SEMA5A: variants seen among roughly 807,000 people sequenced by gnomAD.
SEMA5A encodes semaphorin 5A, also known as semaphorin-5A.
In SEMA5A, 55 loss-of-function variants were observed where a neutral mutation model predicts 135.5. The ratio of observed to expected loss-of-function variants is 0.41; its 90% CI spans 0.33 to 0.51. SEMA5A has a LOEUF of 0.51. Among genes scored for constraint, SEMA5A ranks in the 20% least tolerant of loss-of-function variants. SEMA5A has a pLI of 0.37. For synonymous variants in SEMA5A, 580 were observed against 546.5 expected (o/e 1.06, Z -0.85); for missense variants, 1,290 against 1,419.9 (o/e 0.91, Z 1.47).
chr5:9,375,794 A>T (rs1446178577), intron 3 of SEMA5A, among the ~76,000 whole-genome samples: 1 of 151,608 alleles, frequency 6.6e-6, no homozygotes, highest in African/African-American at 2.4e-5. Context: ...GCAGTATCTG[A>T]CGCTCTGCTG....
At chr5:9,335,782 A>C (rs1450777708) in intron 4 of SEMA5A, among the ~76,000 whole-genome samples, 1 of 152,110 alleles carries the variant, frequency 6.6e-6, no homozygotes, top group Non-Finnish European at 1.5e-5. Context: ...CTAAGTGTTC[A>C]CCTGGATGCA....
At chr5:9,408,237 A>G in intron 2 of SEMA5A, among the ~76,000 whole-genome samples, 1 of 151,996 alleles carries the variant, frequency 6.6e-6, no homozygotes, top group South Asian at 2.1e-4. Context: ...TAGAAGTCTC[A>G]CTCTCCACAG....
chr5:9,280,991 T>A (rs866166492), intron 5 of SEMA5A, among the ~76,000 whole-genome samples: 3 of 152,184 alleles, frequency 2.0e-5, no homozygotes, highest in Non-Finnish European at 4.4e-5. Flanking sequence ...AAAACCACTT[T>A]AAAAGTCTCA....
At position 9,174,184 on chromosome 5, in the gene SEMA5A, C is replaced by T. The variant is rs115568712; in HGVS notation, c.1273+16083G>A. On this transcript the variant is annotated intron_variant, in intron 11 of 22. Transcript: ENST00000382496. ...ACTTGGCCATTGTCAATAATTGCAC[C>T]GCTGTAAATTACAGCTTACTGCAGA... is the stretch of plus-strand genomic sequence containing the variant. Among the ~76,000 whole-genome samples, 405 of 152,274 alleles carry T rather than the reference C, an allele frequency of 2.7e-3. 2 individuals carry two copies. Among genetic ancestry groups the T allele is most frequent in the African/African-American group, 9.2e-3 (382 of 41,556 alleles).
rs1735879913 is a variant in SEMA5A, at chr5:9,040,105, C to T, written c.*2792G>A. 1 of 151,964 alleles carries T rather than the reference C, an allele frequency of 6.6e-6. No individual in the cohort carries two copies. The highest frequency in any genetic ancestry group is 1.5e-5 in the Non-Finnish European group (1 of 68,010). The allele number at this position is 151,964 out of a possible 1,614,324, so 9.4% of individuals were successfully genotyped here. A position where few individuals can be genotyped will look rare whatever the true frequency, so the allele number is the denominator to read the frequency against. ...TTACATCAGGTGCAGAAAGGTGTAG[C>T]TTAAAACTATGTGTTGGTTTTTGTT... On this transcript the variant is annotated 3_prime_UTR_variant, in exon 23 of 23. Transcript: ENST00000382496.
chr5:9,240,899 C>T (rs1418250457), intron 5 of SEMA5A, among the ~76,000 whole-genome samples: 1 of 152,134 alleles, frequency 6.6e-6, no homozygotes, highest in African/African-American at 2.4e-5. Flanking sequence ...AGTGCTAAAG[C>T]ATTCTACATT....
intron 1 of SEMA5A, among the ~76,000 whole-genome samples, chr5:9,520,468 T>G (rs1368635939): frequency 1.3e-5 from 2 of 151,966 alleles, no homozygotes; most frequent in Non-Finnish European, 2.9e-5. Flanking sequence ...TCAGAGGGGC[T>G]TAGAAGGTGA....
chr5:9,071,424 C>A (rs1413046198), intron 16 of SEMA5A, among the ~76,000 whole-genome samples: 1 of 152,114 alleles, frequency 6.6e-6, no homozygotes, highest in Non-Finnish European at 1.5e-5. Context: ...TAATAGACTG[C>A]AAATTTGTCA....
At chr5:9,203,579 A>G (rs1431282233) in intron 8 of SEMA5A, among the ~76,000 whole-genome samples, 1 of 152,200 alleles carries the variant, frequency 6.6e-6, no homozygotes, top group Non-Finnish European at 1.5e-5. Context: ...CAGGAAGACT[A>G]TTGCCAATTT....
At chr5:9,440,804 A>C (rs1464724050) in intron 1 of SEMA5A, among the ~76,000 whole-genome samples, 1 of 152,254 alleles carries the variant, frequency 6.6e-6, no homozygotes, top group Non-Finnish European at 1.5e-5. Context: ...TTTGGAGACC[A>C]AAGTTGAGCT....
intron 5 of SEMA5A, among the ~76,000 whole-genome samples, chr5:9,266,458 A>G (rs1259131075): frequency 6.6e-6 from 1 of 152,216 alleles, no homozygotes; most frequent in Admixed American, 6.5e-5. Context: ...ACACATTTTA[A>G]AAGTCTCTAT....
intron 11 of SEMA5A, among the ~76,000 whole-genome samples, chr5:9,165,492 G>A (rs868288803): frequency 6.6e-6 from 1 of 152,098 alleles, no homozygotes; most frequent in East Asian, 1.9e-4. Context: ...GAAATTAAAC[G>A]TGTGAGGAAG....
intron 1 of SEMA5A, among the ~76,000 whole-genome samples, chr5:9,445,754 C>A (rs1383438835): frequency 6.6e-6 from 1 of 152,166 alleles, no homozygotes; most frequent in African/African-American, 2.4e-5. Flanking sequence ...GGAGACCAGT[C>A]CCAGAGGTCA....
At chr5:9,479,715 G>C (rs1366350632) in intron 1 of SEMA5A, among the ~76,000 whole-genome samples, 1 of 152,140 alleles carries the variant, frequency 6.6e-6, no homozygotes, top group Admixed American at 6.5e-5. Flanking sequence ...TTCAGAACAA[G>C]GGAAATCTTT....
intron 5 of SEMA5A, among the ~76,000 whole-genome samples, chr5:9,289,746 A>T (rs1750985782): frequency 6.6e-6 from 1 of 152,160 alleles, no homozygotes; most frequent in African/African-American, 2.4e-5. Flanking sequence ...TTCATCTGCC[A>T]ATTAGACAAT....
chr5:9,143,489 G>A (rs1742173097), intron 12 of SEMA5A, among the ~76,000 whole-genome samples: 1 of 152,016 alleles, frequency 6.6e-6, no homozygotes, highest in Admixed American at 6.6e-5. Flanking sequence ...GACTTATACT[G>A]GCACTAATAT....
At chr5:9,233,309 G>A (rs971681396) in intron 6 of SEMA5A, among the ~76,000 whole-genome samples, 21 of 152,188 alleles carry the variant, frequency 1.4e-4, no homozygotes, top group Non-Finnish European at 2.9e-4. Flanking sequence ...TTGTTAGGTC[G>A]TGAGAGAATT....
chr5:9,050,854 C>T (rs1256862583), intron 20 of SEMA5A, among the ~76,000 whole-genome samples: 1 of 152,218 alleles, frequency 6.6e-6, no homozygotes, highest in Non-Finnish European at 1.5e-5. Context: ...TGTCACCTTC[C>T]CGGCAGAGGG....
intron 8 of SEMA5A, among the ~76,000 whole-genome samples, chr5:9,209,338 G>C (rs1461163388): frequency 6.6e-6 from 1 of 152,082 alleles, no homozygotes; most frequent in African/African-American, 2.4e-5. Flanking sequence ...ATCATTTCAT[G>C]AATATTTCTG....
Sources: gnomAD v4.1 joint callset for allele counts (sites outside exome capture counted in the v4.1 genomes callset) on GRCh38, gnomAD v4.1.1 for gene constraint, MANE v1.5 for transcripts, NCBI Gene and HGNC (gene_info 2026-07-23, HGNC 2026-07-21) for gene names.